The following TYW1 variants were observed in gnomAD, a reference collection of about 807,000 sequenced individuals.
TYW1 encodes the protein tRNA-yW synthesizing protein 1 homolog.
TYW1 carries 46 observed loss-of-function variants against 96.2 expected under a neutral mutation model. The observed-to-expected ratio is 0.48, with a 90% CI of 0.38 to 0.61. The LOEUF (loss-of-function observed/expected upper bound fraction) is 0.61, where lower values mean the gene tolerates loss of function less well. TYW1 is among the 20% of genes least tolerant of loss of function. The pLI is 0.00. For missense variants in TYW1, 684 were observed against 909.6 expected, an observed-to-expected ratio of 0.75 and a Z score of 3.19; for synonymous variants, 274 against 323.0, an observed-to-expected ratio of 0.85 and a Z score of 1.63.
rs57748332 is a variant in TYW1 at position 67,217,846 on chromosome 7, C to CTTTTTTTT, written c.1978-20442_1978-20435dup. The stretch of plus-strand genomic sequence containing the variant: ...AGATAACTTTGGGTAGTGTTGATGT[C>CTTTTTTTT]TTTTTTTTTTTTTTTTTTTTTTTTT... On this transcript the variant is annotated intron_variant, in intron 15 of 15. Coordinates refer to ENST00000359626, the MANE Select transcript of TYW1 (RefSeq NM_018264.4). Among the ~76,000 whole-genome samples, 7 of 69,258 alleles carry CTTTTTTTT rather than the reference C, an allele frequency of 1.0e-4. 1 individual carries two copies. Among genetic ancestry groups the CTTTTTTTT allele is most frequent in the Non-Finnish European group, 1.9e-4 (7 of 37,016 alleles). The allele number at this position is 69,258 out of a possible 152,430, so 45.4% of individuals were successfully genotyped here. A position where few individuals can be genotyped will look rare whatever the true frequency, so the allele number is the denominator to read the frequency against.
At chr7:67,100,850 C>CAAAAA (rs57665696) in intron 12 of TYW1, among the ~76,000 whole-genome samples, 11 of 75,574 alleles carry the variant, frequency 1.5e-4, no homozygotes, top group African/African-American at 2.7e-4. Context: ...GGCTACAGAG[C>CAAAAA]AAAAAAAAAA....
chr7:67,143,549 C>T (rs2949155), intron 13 of TYW1, among the ~76,000 whole-genome samples: 20 of 152,178 alleles, frequency 1.3e-4, no homozygotes, highest in Non-Finnish European at 2.5e-4. Flanking sequence ...TTCCTGTTTG[C>T]GGAAGCAGGC....
In TYW1 at chr7:67,017,852, G is replaced by C; in HGVS notation, c.571-1G>C. ...TTAGCCTATCTATCTTTTCCTCACA[G>C]GTTGGCAAAAATGTTGACAAGTGGC... is the stretch of plus-strand genomic sequence containing the variant. On this transcript the variant is annotated splice_acceptor_variant, in intron 5 of 15. Coordinates refer to ENST00000359626, the MANE Select transcript of TYW1 (RefSeq NM_018264.4). LOFTEE classifies it high-confidence loss of function. 1.2e-6 allele frequency: 2 copies of C among 1,609,816 alleles called. No homozygotes were observed. The highest frequency in any genetic ancestry group is 1.1e-5 in the South Asian group (1 of 90,970).
intron 3 of TYW1, among the ~76,000 whole-genome samples, chr7:67,008,964 T>C (rs1793695451): frequency 6.6e-6 from 1 of 152,140 alleles, no homozygotes; most frequent in Non-Finnish European, 1.5e-5. Context: ...GCCCAGCCCA[T>C]TCTTCACTAT....
At chr7:67,060,706 A>G (rs1795669529) in intron 9 of TYW1, among the ~76,000 whole-genome samples, 2 of 152,252 alleles carry the variant, frequency 1.3e-5, no homozygotes, top group Admixed American at 6.5e-5. Flanking sequence ...TAAAATTTCA[A>G]TTACACTGTT....
chr7:67,099,844 A>C (rs1745550114), intron 12 of TYW1, among the ~76,000 whole-genome samples: 2 of 152,096 alleles, frequency 1.3e-5, no homozygotes, highest in African/African-American at 4.8e-5. Flanking sequence ...CTCTACTAAA[A>C]ATACAAAATT....
intron 12 of TYW1, among the ~76,000 whole-genome samples, chr7:67,104,015 A>AT (rs918327026): frequency 3.2e-4 from 48 of 152,180 alleles, no homozygotes; most frequent in African/African-American, 1.2e-3. Context: ...TTTATTTTTT[A>AT]TTTTTTTAAT....
At chr7:67,018,844 T>C (rs1027561280) in intron 6 of TYW1, among the ~76,000 whole-genome samples, 1 of 150,022 alleles carries the variant, frequency 6.7e-6, no homozygotes, top group Non-Finnish European at 1.5e-5. Flanking sequence ...TAATCCCAGC[T>C]ACTTGGGAGG....
chr7:67,118,862 A>C (rs1477722781), intron 13 of TYW1, among the ~76,000 whole-genome samples: 1 of 136,872 alleles, frequency 7.3e-6, no homozygotes, highest in East Asian at 2.6e-4. Context: ...CGTGGGTGAC[A>C]GTGAGACCCC....
At chr7:67,159,760 A>G (rs1799098669) in intron 13 of TYW1, among the ~76,000 whole-genome samples, 1 of 151,468 alleles carries the variant, frequency 6.6e-6, no homozygotes, top group Non-Finnish European at 1.5e-5. Context: ...CCTTTGAAGA[A>G]TTCCATTGTA....
At chr7:67,112,322 A>G (rs1316038422) in intron 12 of TYW1, among the ~76,000 whole-genome samples, 1 of 152,042 alleles carries the variant, frequency 6.6e-6, no homozygotes, top group Non-Finnish European at 1.5e-5. Flanking sequence ...AGTCACAGAA[A>G]TGGAAAAATT....
chr7:67,139,062 T>A (rs1189812249), intron 13 of TYW1, among the ~76,000 whole-genome samples: 1 of 152,108 alleles, frequency 6.6e-6, no homozygotes, highest in Non-Finnish European at 1.5e-5. Flanking sequence ...GTGGATCTTT[T>A]TATTTTATTG....
intron 4 of TYW1, among the ~76,000 whole-genome samples, chr7:67,010,460 C>T (rs1401609663): frequency 6.6e-6 from 1 of 151,732 alleles, no homozygotes; most frequent in African/African-American, 2.4e-5. Flanking sequence ...GCTGCCATGC[C>T]CTGCTAATTT....
chr7:67,170,838 G>A (rs1471832086), intron 13 of TYW1, among the ~76,000 whole-genome samples: 1 of 152,164 alleles, frequency 6.6e-6, no homozygotes, highest in Non-Finnish European at 1.5e-5. Flanking sequence ...ATTTGGTTTG[G>A]TAGTATTCTG....
chr7:67,000,921 T>C (rs1026646861), intron 3 of TYW1, among the ~76,000 whole-genome samples: 6 of 152,210 alleles, frequency 3.9e-5, no homozygotes, highest in African/African-American at 7.2e-5. Context: ...GCAGATACTT[T>C]GCTTCATTTT....
chr7:67,138,989 T>G (rs1443270624), intron 13 of TYW1, among the ~76,000 whole-genome samples: 2 of 152,008 alleles, frequency 1.3e-5, no homozygotes, highest in Non-Finnish European at 2.9e-5. Context: ...AAAAGAGTTT[T>G]GATACAAATA....
intron 11 of TYW1, among the ~76,000 whole-genome samples, chr7:67,092,232 AC>A (rs1428072024): frequency 2.6e-5 from 4 of 151,718 alleles, no homozygotes; most frequent in Non-Finnish European, 5.9e-5. Context: ...TGACTTTGCC[AC>A]CTCCACTATC....
intron 13 of TYW1, among the ~76,000 whole-genome samples, chr7:67,143,373 G>A (rs2116123251): frequency 6.6e-6 from 1 of 152,314 alleles, no homozygotes; most frequent in Middle Eastern, 3.4e-3. Context: ...AGAAGTGATA[G>A]CGGAACTGAG....
chr7:67,231,312 C>T (rs549938927), intron 15 of TYW1, among the ~76,000 whole-genome samples: 2 of 152,282 alleles, frequency 1.3e-5, no homozygotes, highest in East Asian at 3.9e-4. Flanking sequence ...CTGCAGGACA[C>T]TTACTTACCC....
Sources: gnomAD v4.1 joint callset for allele counts (sites outside exome capture counted in the v4.1 genomes callset) on GRCh38, gnomAD v4.1.1 for gene constraint, MANE v1.5 for transcripts, NCBI Gene and HGNC (gene_info 2026-07-23, HGNC 2026-07-21) for gene names.